Variants in PCMTD1 observed in about 807,000 individuals in gnomAD.
PCMTD1 encodes protein-L-isoaspartate O-methyltransferase domain-containing protein 1.
PCMTD1 carries 12 observed loss-of-function variants against 37.6 expected under a neutral mutation model. The ratio of observed to expected loss-of-function variants is 0.32; its 90% CI spans 0.20 to 0.52. PCMTD1 has a LOEUF of 0.52. Among genes scored for constraint, PCMTD1 ranks in the 20% least tolerant of loss-of-function variants. The probability of loss-of-function intolerance (pLI) is 0.97; values close to 1 mark genes in which losing one functional copy is unlikely to be tolerated. For missense variants in PCMTD1, 235 were observed against 421.3 expected, an observed-to-expected ratio of 0.56 and a Z score of 3.87; for synonymous variants, 117 against 135.8, an observed-to-expected ratio of 0.86 and a Z score of 0.96.
chr8:51,898,656 C>A (rs142084927), intron 1 of PCMTD1, among the ~76,000 whole-genome samples: 3,853 of 152,150 alleles, frequency 0.025, 187 homozygotes, highest in African/African-American at 0.088. Flanking sequence ...CCCCAGGGAC[C>A]CCGGCTCCCG....
chr8:51,823,638 G>A (rs1236747953), intron 5 of PCMTD1, among the ~76,000 whole-genome samples: 1 of 152,076 alleles, frequency 6.6e-6, no homozygotes, highest in Non-Finnish European at 1.5e-5. Flanking sequence ...CTGACTGCTA[G>A]GAAAACTTAT....
intron 3 of PCMTD1, among the ~76,000 whole-genome samples, chr8:51,838,263 G>C (rs1324020676): frequency 6.6e-6 from 1 of 152,104 alleles, no homozygotes; most frequent in Non-Finnish European, 1.5e-5. Context: ...AAGGCAGGAG[G>C]ATCACTTGAG....
At chr8:51,854,265 A>G (rs2129284182) in intron 2 of PCMTD1, among the ~76,000 whole-genome samples, 4 of 152,304 alleles carry the variant, frequency 2.6e-5, no homozygotes, top group Middle Eastern at 3.4e-3. Flanking sequence ...CAGCAGTAAT[A>G]TTATCCATAA....
At chr8:51,858,319 TG>T (rs10715737) in intron 2 of PCMTD1, among the ~76,000 whole-genome samples, 149,626 of 152,296 alleles carry the variant, frequency 0.98, 73,548 homozygotes, top group East Asian at 1. Context: ...CCACTGTTTA[TG>T]GGGGAGCACC....
chr8:51,840,001 AT>A (rs1405001944), intron 3 of PCMTD1, among the ~76,000 whole-genome samples: 3 of 152,240 alleles, frequency 2.0e-5, no homozygotes, highest in African/African-American at 7.2e-5. Flanking sequence ...CACTGATACC[AT>A]TCAAGGACTC....
chr8:51,874,958 T>C (rs1186064281), intron 1 of PCMTD1, among the ~76,000 whole-genome samples: 1 of 152,180 alleles, frequency 6.6e-6, no homozygotes, highest in East Asian at 1.9e-4. Context: ...CATTAAGAAA[T>C]TGAGCCTCAG....
In PCMTD1 at chr8:51,899,033, G is replaced by A. The variant is rs954420011; in HGVS notation, c.-199C>T. The A allele has an allele frequency of 1.9e-5, 28 of 1,510,514 alleles. No homozygotes were observed. The Admixed American group carries it at 3.3e-4, about 18-fold the overall frequency. 93.6% of individuals were successfully genotyped at this position (1,510,514 alleles called of 1,614,324 possible). A position where few individuals can be genotyped will look rare whatever the true frequency, so the allele number is the denominator to read the frequency against. ...CAATAACAACACGGACGCCACCGCC[G>A]AGTGGAGAGGCGGGGCCCGGACCCG... On this transcript the variant is annotated 5_prime_UTR_variant, in exon 1 of 6. Transcript: ENST00000522514.
chr8:51,831,662 A>T, intron 4 of PCMTD1, 95 bp from the exon 5 acceptor site: 2 of 1,235,694 alleles, frequency 1.6e-6, no homozygotes, highest in Non-Finnish European at 2.2e-6. Flanking sequence ...AACAACTGCC[A>T]GTTAGAGCTA....
chr8:51,881,855 G>A (rs900183815), intron 1 of PCMTD1, among the ~76,000 whole-genome samples: 2 of 152,044 alleles, frequency 1.3e-5, no homozygotes, highest in African/African-American at 4.8e-5. Context: ...TACTATTTCA[G>A]GGGCACCTCC....
intron 1 of PCMTD1, among the ~76,000 whole-genome samples, chr8:51,863,060 C>A (rs1469137832): frequency 1.3e-5 from 2 of 150,948 alleles, no homozygotes; most frequent in African/African-American, 4.9e-5. Context: ...GCCTTTAGCA[C>A]AAGTCAACTT....
Position 51,834,208 on chromosome 8 carries a change from C to T in PCMTD1, c.411-519G>A, listed in dbSNP as rs1268110613. On this transcript the variant is annotated intron_variant, in intron 3 of 5. Coordinates refer to ENST00000522514, the MANE Select transcript of PCMTD1 (RefSeq NM_052937.4). ...GTGTCCTGACCACATACCCCTGCAA[C>T]CAGTAAGGTTAGGAAGAGTTTCTAA... Among the ~76,000 whole-genome samples the T allele has an allele frequency of 3.3e-5, 5 of 152,248 alleles. No individual in the cohort carries two copies. In the East Asian group the frequency reaches 9.6e-4, roughly 29 times the overall value.
chr8:51,895,531 C>T (rs1360924569), intron 1 of PCMTD1, among the ~76,000 whole-genome samples: 7 of 152,118 alleles, frequency 4.6e-5, no homozygotes, highest in Middle Eastern at 3.2e-3. Flanking sequence ...TCTGGCTACC[C>T]GTGCATAATG....
At chr8:51,829,328 C>CCTCT (rs935957943) in intron 5 of PCMTD1, among the ~76,000 whole-genome samples, 62 of 152,222 alleles carry the variant, frequency 4.1e-4, no homozygotes, top group African/African-American at 1.4e-3. Flanking sequence ...GCCATGCAAG[C>CCTCT]CTCTCTGCAT....
chr8:51,895,634 T>TA (rs2038988813), intron 1 of PCMTD1, among the ~76,000 whole-genome samples: 1 of 151,994 alleles, frequency 6.6e-6, no homozygotes, highest in Non-Finnish European at 1.5e-5. Flanking sequence ...CACATACACA[T>TA]AGTGTTTGAT....
intron 4 of PCMTD1, 63 bp downstream of exon 4, chr8:51,833,455 T>A (rs1345643979): frequency 2.2e-6 from 3 of 1,372,440 alleles, no homozygotes; most frequent in Non-Finnish European, 3.0e-6. Flanking sequence ...GAATAAAATT[T>A]CTTAACCTTA....
At chr8:51,831,659 G>A (rs2038000351) in intron 4 of PCMTD1, 92 bp from the exon 5 acceptor site, 2 of 1,242,392 alleles carry the variant, frequency 1.6e-6, no homozygotes, top group Non-Finnish European at 2.2e-6. Flanking sequence ...GGGAACAACT[G>A]CCAGTTAGAG....
In PCMTD1 at chr8:51,899,035, G is replaced by A. The variant is rs773280287; in HGVS notation, c.-201C>T. ...ATAACAACACGGACGCCACCGCCGAGTGGAGAGGCGGGGCCCGGACCCGCG... is the reference window on the plus strand; with the variant it reads ...ATAACAACACGGACGCCACCGCCGAATGGAGAGGCGGGGCCCGGACCCGCG... On this transcript the variant is annotated 5_prime_UTR_variant, in exon 1 of 6. Coordinates refer to ENST00000522514, the MANE Select transcript of PCMTD1 (RefSeq NM_052937.4). 3.2e-5 allele frequency: 48 copies of A among 1,510,592 alleles called. No individual in the cohort carries two copies. Among genetic ancestry groups the A allele is most frequent in the Non-Finnish European group, 3.5e-6 (4 of 1,136,358 alleles). The allele number at this position is 1,510,592 out of a possible 1,614,324, so 93.6% of individuals were successfully genotyped here.
At chr8:51,831,008 A>T (rs2037989513) in intron 5 of PCMTD1, among the ~76,000 whole-genome samples, 1 of 151,676 alleles carries the variant, frequency 6.6e-6, no homozygotes, top group Admixed American at 6.6e-5. Flanking sequence ...AAAAAAAAAA[A>T]AATTGAGGCC....
chr8:51,873,951 T>TCA (rs755508232), intron 1 of PCMTD1, among the ~76,000 whole-genome samples: 17 of 151,594 alleles, frequency 1.1e-4, no homozygotes, highest in Admixed American at 2.0e-4. Flanking sequence ...TCTTGCTCTG[T>TCA]CACCAGGGTG....
Sources: allele counts gnomAD v4.1 joint callset (sites outside exome capture counted in the v4.1 genomes callset), GRCh38; gene constraint gnomAD v4.1.1; transcripts MANE v1.5; gene names NCBI Gene and HGNC (gene_info 2026-07-23, HGNC 2026-07-21).